NCKAP5: variants seen among roughly 807,000 people sequenced by gnomAD.
NCKAP5 encodes nck-associated protein 5.
A neutral mutation model predicts 167.0 loss-of-function variants in NCKAP5; 92 were observed. The ratio of observed to expected loss-of-function variants is 0.55; its 90% CI spans 0.47 to 0.66. NCKAP5 has a LOEUF of 0.66. Ranked by LOEUF, NCKAP5 falls within the 30% of genes least tolerant of loss-of-function variation. NCKAP5 has a pLI of 0.00. For synonymous variants in NCKAP5, 891 were observed against 877.4 expected, an observed-to-expected ratio of 1.02 and a Z score of -0.27; for missense variants, 2,378 against 2,315.0, an observed-to-expected ratio of 1.03 and a Z score of -0.56.
chr2:132,817,702 G>T (rs1336115662), intron 11 of NCKAP5, among the ~76,000 whole-genome samples: 11 of 152,096 alleles, frequency 7.2e-5, no homozygotes, highest in Non-Finnish European at 1.2e-4. Context: ...CTCTGGTAGG[G>T]TTCCCAGCGC....
At chr2:132,801,876 G>T (rs1355459741) in intron 11 of NCKAP5, among the ~76,000 whole-genome samples, 3 of 152,176 alleles carry the variant, frequency 2.0e-5, no homozygotes, top group Non-Finnish European at 2.9e-5. Context: ...CTTCAGGGTG[G>T]TAGTGACTGA....
In NCKAP5 at chr2:132,808,908, C is replaced by T. The variant is rs538434863; in HGVS notation, c.808-12179G>A. ...GTCTTTTTGATATAGGCATTTAGGG[C>T]TCTGAAATTTCCTCTTAGCACTGCC... On this transcript the variant is annotated intron_variant, in intron 11 of 19. Transcript: ENST00000409261. 1.4e-3 allele frequency among the ~76,000 whole-genome samples: 215 copies of T among 152,130 alleles called. 1 individual carries two copies. The highest frequency in any genetic ancestry group is 4.9e-3 in the African/African-American group (204 of 41,534).
chr2:133,410,728 A>G (rs933768932), intron 3 of NCKAP5, among the ~76,000 whole-genome samples: 11 of 152,232 alleles, frequency 7.2e-5, no homozygotes, highest in Admixed American at 2.0e-4. Flanking sequence ...GTATGTTTTA[A>G]TAAGTCTTCT....
At chr2:133,417,921 A>G (rs778559856) in intron 3 of NCKAP5, among the ~76,000 whole-genome samples, 3 of 152,222 alleles carry the variant, frequency 2.0e-5, no homozygotes, top group Non-Finnish European at 2.9e-5. Flanking sequence ...TAAGGAAAAC[A>G]TTTCAAACAG....
chr2:133,205,503 C>T (rs2150139072), intron 5 of NCKAP5, among the ~76,000 whole-genome samples: 1 of 152,292 alleles, frequency 6.6e-6, no homozygotes, highest in African/African-American at 2.4e-5. Flanking sequence ...TTTGTCCCAA[C>T]ATCACACTAA....
At chr2:132,809,980 T>G (rs918649082) in intron 11 of NCKAP5, among the ~76,000 whole-genome samples, 17 of 152,262 alleles carry the variant, frequency 1.1e-4, no homozygotes, top group African/African-American at 4.1e-4. Context: ...GGTGGCTTAC[T>G]GATGGCAAAT....
At chr2:133,321,809 T>C (rs1682077061) in intron 3 of NCKAP5, among the ~76,000 whole-genome samples, 1 of 152,144 alleles carries the variant, frequency 6.6e-6, no homozygotes, top group African/African-American at 2.4e-5. Context: ...CATTTAACCC[T>C]TTTCCTCATT....
At chr2:133,239,964 A>AT (rs11413341) in intron 4 of NCKAP5, among the ~76,000 whole-genome samples, 8,951 of 150,944 alleles carry the variant, frequency 0.059, 791 homozygotes, top group African/African-American at 0.2. Context: ...CCCTGGCCTT[A>AT]TTTTTTTTTC....
At chr2:133,616,991 G>C in the NCKAP5 span, among the ~76,000 whole-genome samples, 74,817 of 151,580 alleles carry the variant, frequency 0.49, 20,405 homozygotes, top group Middle Eastern at 0.71. Flanking sequence ...TGCAAGTCTG[G>C]TTCAATATAC....
At chr2:133,488,295 A>G (rs1008333238) in intron 3 of NCKAP5, among the ~76,000 whole-genome samples, 1 of 152,174 alleles carries the variant, frequency 6.6e-6, no homozygotes, top group East Asian at 1.9e-4. Context: ...AAAAGCAAAC[A>G]AAACAACCAA....
At chr2:133,141,375 G>C (rs1283705120) in intron 5 of NCKAP5, among the ~76,000 whole-genome samples, 1 of 149,856 alleles carries the variant, frequency 6.7e-6, no homozygotes, top group South Asian at 2.1e-4. Context: ...CGTTCTTTTT[G>C]TTCGCCCTAC....
chr2:133,016,558 A>G (rs2078343251), intron 6 of NCKAP5, among the ~76,000 whole-genome samples: 1 of 152,230 alleles, frequency 6.6e-6, no homozygotes, highest in African/African-American at 2.4e-5. Flanking sequence ...GGAATCCGTA[A>G]TTAAATAGTG....
the NCKAP5 span, among the ~76,000 whole-genome samples, chr2:133,614,522 T>C: frequency 6.6e-6 from 1 of 152,018 alleles, no homozygotes; most frequent in East Asian, 1.9e-4. Context: ...CAGGAGCCGA[T>C]GCAATCAACT....
At chr2:133,159,113 C>G (rs1252817549) in intron 5 of NCKAP5, among the ~76,000 whole-genome samples, 3 of 151,932 alleles carry the variant, frequency 2.0e-5, no homozygotes, top group Non-Finnish European at 4.4e-5. Context: ...ATTTCTCCGG[C>G]TGGAAACAGA....
At chr2:132,889,551 A>C (rs141764961) in intron 8 of NCKAP5, among the ~76,000 whole-genome samples, 129 of 152,332 alleles carry the variant, frequency 8.5e-4, no homozygotes, top group African/African-American at 2.9e-3. Flanking sequence ...GAACAAAAAA[A>C]AAATCAACAA....
chr2:133,430,633 C>T (rs1447820771), intron 3 of NCKAP5, among the ~76,000 whole-genome samples: 1 of 152,080 alleles, frequency 6.6e-6, no homozygotes, highest in Non-Finnish European at 1.5e-5. Context: ...ATAGGGAGTC[C>T]TTTCCCCATT....
At chr2:132,868,617 T>C (rs1406081333) in intron 10 of NCKAP5, among the ~76,000 whole-genome samples, 1 of 152,186 alleles carries the variant, frequency 6.6e-6, no homozygotes, top group Non-Finnish European at 1.5e-5. Flanking sequence ...ACTCGTTTTA[T>C]AGGAATTGGG....
At chr2:133,272,046 T>TGG (rs2089537044) in intron 4 of NCKAP5, among the ~76,000 whole-genome samples, 1 of 152,028 alleles carries the variant, frequency 6.6e-6, no homozygotes, top group Non-Finnish European at 1.5e-5. Context: ...AAAATATACT[T>TGG]ATAAAAATCC....
chr2:133,270,151 G>T (rs1249790005), intron 4 of NCKAP5, among the ~76,000 whole-genome samples: 1 of 152,132 alleles, frequency 6.6e-6, no homozygotes, highest in African/African-American at 2.4e-5. Flanking sequence ...AAATGTTTAT[G>T]GTGGTGATTA....
Sources: gnomAD v4.1 joint callset for allele counts (sites outside exome capture counted in the v4.1 genomes callset) on GRCh38, gnomAD v4.1.1 for gene constraint, MANE v1.5 for transcripts, NCBI Gene and HGNC (gene_info 2026-07-23, HGNC 2026-07-21) for gene names.